The following PCDH15 variants were observed in gnomAD, a reference collection of about 807,000 sequenced individuals.
PCDH15 encodes protocadherin related 15, also known as protocadherin-15.
PCDH15 carries 129 observed loss-of-function variants against 178.5 expected under a neutral mutation model. The ratio of observed to expected loss-of-function variants is 0.72; its 90% CI spans 0.63 to 0.84. The LOEUF is 0.84. PCDH15 is among the 40% of genes least tolerant of loss of function. The pLI, the probability that PCDH15 is intolerant of heterozygous loss-of-function variation, is 0.00. For synonymous variants in PCDH15, 800 were observed against 732.0 expected (o/e 1.09, Z -1.50); for missense variants, 2,230 against 2,099.9 (o/e 1.06, Z -1.21).
chr10:54,166,439 T>C (rs1446274744), intron 13 of PCDH15, among the ~76,000 whole-genome samples: 1 of 151,976 alleles, frequency 6.6e-6, no homozygotes, highest in Admixed American at 6.6e-5. Flanking sequence ...AATTATAATC[T>C]AGCCAAGAAA....
intron 10 of PCDH15, among the ~76,000 whole-genome samples, chr10:54,213,575 C>T (rs1457758238): frequency 6.6e-6 from 1 of 152,012 alleles, no homozygotes; most frequent in East Asian, 1.9e-4. Flanking sequence ...ATAAATCAAG[C>T]ACATTTTAGA....
At chr10:54,009,410 G>C (rs1188029060) in intron 20 of PCDH15, among the ~76,000 whole-genome samples, 1 of 151,910 alleles carries the variant, frequency 6.6e-6, no homozygotes, top group Non-Finnish European at 1.5e-5. Flanking sequence ...CCATTCCAAG[G>C]TAGTTTAGAG....
Position 53,805,832 on chromosome 10 carries a change from C to CA in PCDH15, c.*746dup, listed in dbSNP as rs2132347595. The CA allele has an allele frequency of 6.6e-6, 1 of 152,102 alleles. No homozygotes were observed. Among genetic ancestry groups the CA allele is most frequent in the Non-Finnish European group, 1.5e-5 (1 of 67,978 alleles). The allele number at this position is 152,102 out of a possible 1,614,324, so 9.4% of individuals were successfully genotyped here. ...GGTGAGATTTCCATGTTGCTCCAAA[C>CA]AATTATTTAACCTCAAGTGATTAAA... On this transcript the variant is annotated 3_prime_UTR_variant, in exon 38 of 38. Coordinates refer to ENST00000644397, the MANE Select transcript of PCDH15 (RefSeq NM_001384140.1).
intron 3 of PCDH15, among the ~76,000 whole-genome samples, chr10:54,822,563 G>A (rs1591721403): frequency 6.6e-6 from 1 of 152,080 alleles, no homozygotes; most frequent in Admixed American, 6.6e-5. Context: ...GACTCCACAT[G>A]TTTGCTGTTT....
At chr10:54,731,275 C>A (rs1264508322) in intron 1 of PCDH15, among the ~76,000 whole-genome samples, 2 of 150,454 alleles carry the variant, frequency 1.3e-5, no homozygotes, top group African/African-American at 4.9e-5. Context: ...CAGATGCTGG[C>A]AAAGACGTGA....
intron 2 of PCDH15, among the ~76,000 whole-genome samples, chr10:54,583,516 C>T (rs115311675): frequency 6.6e-6 from 1 of 151,866 alleles, no homozygotes; most frequent in Non-Finnish European, 1.5e-5. Flanking sequence ...GTAAGGGATA[C>T]CACAATGGGC....
chr10:55,114,687 C>T (rs549902717), intron 2 of PCDH15, among the ~76,000 whole-genome samples: 2 of 152,266 alleles, frequency 1.3e-5, no homozygotes, highest in African/African-American at 4.8e-5. Context: ...ACTCCCTGCA[C>T]TCAATAAGGA....
chr10:53,883,360 A>G (rs747078848), intron 26 of PCDH15, among the ~76,000 whole-genome samples: 1 of 152,214 alleles, frequency 6.6e-6, no homozygotes, highest in Non-Finnish European at 1.5e-5. Flanking sequence ...GAGTAGGATA[A>G]AAATATCATA....
Position 54,369,148 on chromosome 10 carries a change from T to C in PCDH15, c.446A>G (p.His149Arg), listed in dbSNP as rs201026048. 2 of 1,613,054 alleles carry C rather than the reference T, an allele frequency of 1.2e-6. No individual in the cohort carries two copies. Among genetic ancestry groups the C allele is most frequent in the Non-Finnish European group, 8.5e-7 (1 of 1,179,356 alleles). Reference sequence around the variant, plus strand: ...ATTCACTGTGGCATAGTAGCTTTCATGCTTGAAAGTGGGTGAGTTGTCATT... The same window carrying C: ...ATTCACTGTGGCATAGTAGCTTTCACGCTTGAAAGTGGGTGAGTTGTCATT... ...DRNDNSPTFK[H>R]ESYYATVNEL... Residue 149 changes from histidine to arginine, a missense_variant, in exon 5 of 38, where the codon CAT becomes CGT. Coordinates refer to ENST00000644397, the MANE Select transcript of PCDH15 (RefSeq NM_001384140.1).
intron 2 of PCDH15, among the ~76,000 whole-genome samples, chr10:55,139,888 T>C (rs1015830638): frequency 6.6e-6 from 1 of 152,046 alleles, no homozygotes; most frequent in Non-Finnish European, 1.5e-5. Context: ...CTTTGCTATG[T>C]TGATTCTTCA....
At chr10:55,453,343 G>A (rs1018058136) in intron 2 of PCDH15, among the ~76,000 whole-genome samples, 7 of 152,214 alleles carry the variant, frequency 4.6e-5, no homozygotes, top group East Asian at 1.9e-4. Context: ...TTACTGCAGC[G>A]GATCTGACAT....
intron 2 of PCDH15, among the ~76,000 whole-genome samples, chr10:54,602,255 C>A (rs1041765047): frequency 6.6e-6 from 1 of 151,654 alleles, no homozygotes; most frequent in African/African-American, 2.4e-5. Flanking sequence ...AGTATTTATT[C>A]TTATTATTAT....
intron 2 of PCDH15, among the ~76,000 whole-genome samples, chr10:54,595,485 C>T (rs762637128): frequency 3.3e-5 from 5 of 152,078 alleles, no homozygotes; most frequent in Admixed American, 6.5e-5. Flanking sequence ...GAACACCAGC[C>T]CACAAAGATG....
intron 1 of PCDH15, among the ~76,000 whole-genome samples, chr10:55,173,625 T>C (rs1316613854): frequency 1.3e-5 from 2 of 152,132 alleles, no homozygotes; most frequent in Non-Finnish European, 2.9e-5. Context: ...TGTATAACTT[T>C]TTAGCATATA....
intron 3 of PCDH15, among the ~76,000 whole-genome samples, chr10:54,890,630 A>G (rs1295107358): frequency 6.6e-6 from 1 of 152,056 alleles, no homozygotes; most frequent in Non-Finnish European, 1.5e-5. Flanking sequence ...CATGAAGGTA[A>G]GGACAGAATA....
At chr10:54,844,315 C>T (rs1365439461) in intron 3 of PCDH15, among the ~76,000 whole-genome samples, 1 of 151,994 alleles carries the variant, frequency 6.6e-6, no homozygotes, top group Non-Finnish European at 1.5e-5. Flanking sequence ...AATCAAGATA[C>T]AGTACATTTT....
At chr10:54,815,038 G>T (rs1273567892) in intron 3 of PCDH15, among the ~76,000 whole-genome samples, 5 of 151,976 alleles carry the variant, frequency 3.3e-5, no homozygotes, top group African/African-American at 1.2e-4. Flanking sequence ...GAGCACCAAT[G>T]ATCACCTTTA....
chr10:54,059,185 A>C (rs2093963651), intron 18 of PCDH15, among the ~76,000 whole-genome samples: 1 of 152,126 alleles, frequency 6.6e-6, no homozygotes, highest in Admixed American at 6.5e-5. Context: ...TATTTTACTT[A>C]ACATAATAAC....
At chr10:54,384,539 C>T (rs1949691004) in intron 3 of PCDH15, among the ~76,000 whole-genome samples, 1 of 151,982 alleles carries the variant, frequency 6.6e-6, no homozygotes, top group East Asian at 1.9e-4. Flanking sequence ...GATTAAGTGT[C>T]TTAAGAAAAA....
Sources: allele counts gnomAD v4.1 joint callset (sites outside exome capture counted in the v4.1 genomes callset), GRCh38; gene constraint gnomAD v4.1.1; transcripts MANE v1.5; gene names NCBI Gene and HGNC (gene_info 2026-07-23, HGNC 2026-07-21).